The following WWOX variants were observed in gnomAD, a reference collection of about 807,000 sequenced individuals.
WWOX encodes WW domain containing oxidoreductase.
Under a neutral mutation model 46.2 loss-of-function variants are expected in WWOX, and 69 were observed. That is an observed-to-expected ratio of 1.49 (90% CI 1.23 to 1.82). The LOEUF is 1.82. Ranked by LOEUF, WWOX falls within the 40% of genes most tolerant of loss-of-function variation. The pLI is 0.00. For synonymous variants in WWOX, 359 were observed against 202.6 expected (o/e 1.77, Z -6.56); for missense variants, 919 against 542.6 (o/e 1.69, Z -6.89).
chr16:78,854,955 T>C (rs1469893505), intron 8 of WWOX, among the ~76,000 whole-genome samples: 1 of 152,076 alleles, frequency 6.6e-6, no homozygotes, highest in African/African-American at 2.4e-5. Flanking sequence ...ATGTGTTTTA[T>C]TTTCTTAGTG....
Position 78,208,341 on chromosome 16 carries a change from C to G in WWOX, c.516+44052C>G, listed in dbSNP as rs547257472. On this transcript the variant is annotated intron_variant, in intron 5 of 8. Coordinates refer to ENST00000566780, the MANE Select transcript of WWOX (RefSeq NM_016373.4). ...GTCTCTGAATCTTGAAATAAATACT[C>G]TTGAATTTATATGTTCTTGGTCCTT... is the stretch of plus-strand genomic sequence containing the variant. 5.3e-5 allele frequency among the ~76,000 whole-genome samples: 8 copies of G among 152,248 alleles called. No homozygotes were observed. In the South Asian group the frequency reaches 6.2e-4, roughly 12 times the overall value.
chr16:79,171,483 G>A (rs1472455825), intron 8 of WWOX, among the ~76,000 whole-genome samples: 1 of 152,238 alleles, frequency 6.6e-6, no homozygotes, highest in African/African-American at 2.4e-5. Flanking sequence ...TTTCACATCA[G>A]TTTGCTACCC....
chr16:78,364,788 G>A (rs770194426), intron 5 of WWOX, among the ~76,000 whole-genome samples: 8 of 152,208 alleles, frequency 5.3e-5, no homozygotes, highest in Non-Finnish European at 8.8e-5. Context: ...AGGGAACAGT[G>A]TAGCATCTGA....
chr16:78,621,603 T>C (rs957551662), intron 8 of WWOX, among the ~76,000 whole-genome samples: 3 of 104,472 alleles, frequency 2.9e-5, no homozygotes, highest in South Asian at 6.7e-4. Flanking sequence ...TTTTTTTTTT[T>C]TTTTTTTTTT....
At chr16:78,538,218 CAAAAAAAAAAAAAAAAA>C (rs67413792) in intron 8 of WWOX, among the ~76,000 whole-genome samples, 1 of 60,034 alleles carries the variant, frequency 1.7e-5, no homozygotes, top group Non-Finnish European at 2.8e-5. Context: ...TCACTCACAC[CAAAAAAAAAAAAAAAAA>C]AAAAAAAAAA....
In WWOX at chr16:78,776,724, T is replaced by G. The variant is rs184956601; in HGVS notation, c.1056+343972T>G. Reference sequence around the variant, plus strand: ...CATGGTCGGGGAAGCCTCAGAAAACTTACGATCATGGTGGAAAGGAAGCTA... The same window carrying G: ...CATGGTCGGGGAAGCCTCAGAAAACGTACGATCATGGTGGAAAGGAAGCTA... On this transcript the variant is annotated intron_variant, in intron 8 of 8. Transcript: ENST00000566780. Among the ~76,000 whole-genome samples, 33 of 152,048 alleles carry G rather than the reference T, an allele frequency of 2.2e-4. No homozygotes were observed. In the East Asian group the frequency reaches 5.4e-3, roughly 25 times the overall value.
intron 6 of WWOX, among the ~76,000 whole-genome samples, chr16:78,412,617 G>T (rs1406194535): frequency 6.6e-6 from 1 of 152,294 alleles, no homozygotes; most frequent in East Asian, 1.9e-4. Flanking sequence ...TATCACAGAA[G>T]CCAAGACAGG....
chr16:78,629,386 T>C (rs748620514), intron 8 of WWOX, among the ~76,000 whole-genome samples: 2 of 152,158 alleles, frequency 1.3e-5, no homozygotes. Flanking sequence ...GTCAGTAAGA[T>C]TTCTCACTGG....
chr16:78,165,271 C>G (rs1410113837), intron 5 of WWOX, among the ~76,000 whole-genome samples: 1 of 152,218 alleles, frequency 6.6e-6, no homozygotes, highest in East Asian at 1.9e-4. Flanking sequence ...CATTCATTCA[C>G]ATATTCATGA....
intron 8 of WWOX, among the ~76,000 whole-genome samples, chr16:78,606,850 A>T (rs188937545): frequency 1.5e-3 from 222 of 151,900 alleles, no homozygotes; most frequent in Non-Finnish European, 2.5e-3. Context: ...TGTTGAATGT[A>T]ACTGAGTACC....
intron 5 of WWOX, among the ~76,000 whole-genome samples, chr16:78,205,518 C>T (rs971823835): frequency 2.6e-5 from 4 of 151,850 alleles, no homozygotes; most frequent in Admixed American, 2.0e-4. Flanking sequence ...TCCATCCACT[C>T]ATCTATCCAC....
rs2043916079 is a variant in WWOX, at chr16:78,542,233, A to G, written c.1056+109481A>G. On this transcript the variant is annotated intron_variant, in intron 8 of 8. Coordinates refer to ENST00000566780, the MANE Select transcript of WWOX (RefSeq NM_016373.4). ...CTCCGTAAACACTGCCGGATGGATGAACCTACGTAATGATCTCCTGGTGCC... is the reference window on the plus strand; with the variant it reads ...CTCCGTAAACACTGCCGGATGGATGGACCTACGTAATGATCTCCTGGTGCC... 2.0e-5 allele frequency among the ~76,000 whole-genome samples: 3 copies of G among 151,988 alleles called. No individual in the cohort carries two copies. The South Asian group carries it at 6.2e-4, about 32-fold the overall frequency.
At position 78,338,812 on chromosome 16, in the gene WWOX, ATTCTT is replaced by A. The variant is rs1349666391; in HGVS notation, c.517-48044_517-48040del. Among the ~76,000 whole-genome samples, 3 of 119,716 alleles carry A rather than the reference ATTCTT, an allele frequency of 2.5e-5. 1 individual carries two copies. Among genetic ancestry groups the A allele is most frequent in the Admixed American group, 8.1e-5 (1 of 12,332 alleles). 78.5% of individuals were successfully genotyped at this position (119,716 alleles called of 152,430 possible). A position where few individuals can be genotyped will look rare whatever the true frequency, so the allele number is the denominator to read the frequency against. ...TTTTGCTATGCCATTCATTCATTCT[ATTCTT>A]TTCATTTCTTTTTCTTTTTGTAAAA... is the stretch of plus-strand genomic sequence containing the variant. On this transcript the variant is annotated intron_variant, in intron 5 of 8. Transcript: ENST00000566780.
chr16:78,504,799 T>C (rs1397926), intron 8 of WWOX, among the ~76,000 whole-genome samples: 1 of 151,656 alleles, frequency 6.6e-6, no homozygotes, highest in African/African-American at 2.4e-5. Context: ...CCAGAGCTTA[T>C]GCATCCGTGC....
chr16:78,662,076 G>A (rs572691368), intron 8 of WWOX, among the ~76,000 whole-genome samples: 2 of 151,028 alleles, frequency 1.3e-5, no homozygotes, highest in African/African-American at 4.9e-5. Context: ...TAGTAGTAGT[G>A]GTGGTGGTGG....
At chr16:78,734,764 T>A (rs1260186027) in intron 8 of WWOX, among the ~76,000 whole-genome samples, 2 of 148,920 alleles carry the variant, frequency 1.3e-5, no homozygotes, top group Admixed American at 1.4e-4. Flanking sequence ...CAGCTGAAGG[T>A]CTGAATAGAG....
At chr16:78,633,584 C>T (rs1397660420) in intron 8 of WWOX, among the ~76,000 whole-genome samples, 2 of 152,190 alleles carry the variant, frequency 1.3e-5, no homozygotes, top group East Asian at 1.9e-4. Flanking sequence ...CGCTGGCAGG[C>T]CTCTGGCTTC....
rs2050889828 is a variant in WWOX, at chr16:79,180,542, G to T, written c.1057-31066G>T. On this transcript the variant is annotated intron_variant, in intron 8 of 8. Transcript: ENST00000566780. ...ACCCTCAAATGTGGGAAGGAGATAG[G>T]GGCAGGAGGAATTGGGGAAATAGGA... 2.0e-5 allele frequency among the ~76,000 whole-genome samples: 3 copies of T among 152,148 alleles called. No individual in the cohort carries two copies. In the South Asian group the frequency reaches 6.2e-4, roughly 32 times the overall value.
At chr16:78,180,840 G>A (rs1221272136) in intron 5 of WWOX, among the ~76,000 whole-genome samples, 1 of 152,176 alleles carries the variant, frequency 6.6e-6, no homozygotes, top group Non-Finnish European at 1.5e-5. Flanking sequence ...GAGTGCTAGT[G>A]GGTAAATCCA....
Sources: gnomAD v4.1 joint callset for allele counts (sites outside exome capture counted in the v4.1 genomes callset) on GRCh38, gnomAD v4.1.1 for gene constraint, MANE v1.5 for transcripts, NCBI Gene and HGNC (gene_info 2026-07-23, HGNC 2026-07-21) for gene names.